The following NFATC3 variants were observed in gnomAD, a reference collection of about 807,000 sequenced individuals.
NFATC3 encodes the protein nuclear factor of activated T cells 3, also known as nuclear factor of activated T-cells, cytoplasmic 3.
A neutral mutation model predicts 98.6 loss-of-function variants in NFATC3; 46 were observed. That is an observed-to-expected ratio of 0.47 (90% CI 0.37 to 0.60). The LOEUF (loss-of-function observed/expected upper bound fraction) is 0.60, where lower values mean the gene tolerates loss of function less well. Ranked by LOEUF, NFATC3 falls within the 20% of genes least tolerant of loss-of-function variation. NFATC3 has a pLI of 0.00. For synonymous variants in NFATC3, 512 were observed against 472.2 expected, an observed-to-expected ratio of 1.08 and a Z score of -1.09; for missense variants, 1,256 against 1,295.5, an observed-to-expected ratio of 0.97 and a Z score of 0.47.
chr16:68,107,391 A>G (rs1418868444), intron 1 of NFATC3, among the ~76,000 whole-genome samples: 1 of 152,146 alleles, frequency 6.6e-6, no homozygotes, highest in Non-Finnish European at 1.5e-5. Context: ...TTTCTATCTC[A>G]GCCTCGCCAA....
chr16:68,124,247 G>A (rs886894694), intron 2 of NFATC3, among the ~76,000 whole-genome samples: 1 of 151,752 alleles, frequency 6.6e-6, no homozygotes, highest in South Asian at 2.1e-4. Flanking sequence ...GACTATAGGC[G>A]TATACCACCA....
rs2034835399 is a variant in NFATC3, at chr16:68,093,420, G to A, written c.103+7636G>A. 5.9e-5 allele frequency among the ~76,000 whole-genome samples: 9 copies of A among 152,050 alleles called. No homozygotes were observed. The South Asian group carries it at 1.9e-3, about 31-fold the overall frequency. ...TTTAACTGGTTAATATCAAAACAGA[G>A]ACCCAGGACTTCTGACTCCTAGTCC... On this transcript the variant is annotated intron_variant, in intron 1 of 9. Transcript: ENST00000346183.
chr16:68,089,353 T>A (rs2034576473), intron 1 of NFATC3: 2 of 887,094 alleles, frequency 2.3e-6, no homozygotes, highest in African/African-American at 3.6e-5. Flanking sequence ...GACGACTGAC[T>A]TTTTAAGACT....
In NFATC3 at chr16:68,122,494, C is replaced by T. The variant is rs766489525; in HGVS notation, c.611C>T (p.Thr204Ile). The stretch of plus-strand genomic sequence containing the variant: ...TTGAATGAAGCTGCAGCCCGATTTA[C>T]CCTTGGATCCCCTCTGACTTCTCCT... ...SELNEAAARF[T>I]LGSPLTSPGG... Residue 204 changes from threonine (T) to isoleucine (I), a missense_variant, in exon 2 of 10, where the codon ACC becomes ATC. Physicochemically the swap from Thr to Ile is moderately conservative, Grantham distance 89. This residue lies in a region of NFATC3 where 464 missense variants were observed against 465.7 expected (regional missense o/e 1.00). Transcript: ENST00000346183. 10 of 1,613,980 alleles carry T rather than the reference C, an allele frequency of 6.2e-6. No homozygotes were observed. Among genetic ancestry groups the T allele is most frequent in the Admixed American group, 1.7e-5 (1 of 60,010 alleles).
intron 9 of NFATC3, among the ~76,000 whole-genome samples, chr16:68,222,342 AAAG>A (rs1206891957): frequency 1.3e-5 from 2 of 151,122 alleles, no homozygotes; most frequent in African/African-American, 2.4e-5. Context: ...AAAAGAAAAA[AAAG>A]AGAGAAAACA....
At chr16:68,090,302 C>A (rs1776959539) in intron 1 of NFATC3, among the ~76,000 whole-genome samples, 1 of 138,536 alleles carries the variant, frequency 7.2e-6, no homozygotes, top group Admixed American at 7.2e-5. Flanking sequence ...GCAACCCCCC[C>A]CCCCCAACAT....
chr16:68,126,575 G>C lies in NFATC3; in HGVS notation c.1366G>C (p.Val456Leu). The stretch of plus-strand genomic sequence containing the variant: ...TGAAACTGAAGGTAGCCGAGGGGCA[G>C]TAAAAGCATCTACTGGGGGACATCC... ...HYETEGSRGA[V>L]KASTGGHPVV... Residue 456 changes from valine to leucine, a missense_variant, in exon 3 of 10, where the codon GTA becomes CTA. Physicochemically the swap from Val to Leu is conservative, Grantham distance 32. Around this residue, in one of 3 missense-constraint regions of NFATC3, gnomAD observed 156 missense variants for 212.4 expected, o/e 0.73. Coordinates refer to ENST00000346183, the MANE Select transcript of NFATC3 (RefSeq NM_173165.3). The C allele has an allele frequency of 3.1e-6, 5 of 1,614,156 alleles. No homozygotes were observed. The highest frequency in any genetic ancestry group is 3.4e-6 in the Non-Finnish European group (4 of 1,180,008).
chr16:68,152,102 C>T (rs2151563677), intron 3 of NFATC3, among the ~76,000 whole-genome samples: 1 of 150,930 alleles, frequency 6.6e-6, no homozygotes, highest in African/African-American at 2.4e-5. Context: ...GTGGCTCACG[C>T]CTATAATCCC....
intron 1 of NFATC3, among the ~76,000 whole-genome samples, chr16:68,120,243 G>A (rs2036499704): frequency 6.7e-6 from 1 of 149,242 alleles, no homozygotes; most frequent in Non-Finnish European, 1.5e-5. Flanking sequence ...GTGCACCACT[G>A]CACTCCAGCC....
At chr16:68,159,500 G>A (rs893684607) in intron 4 of NFATC3, among the ~76,000 whole-genome samples, 2 of 149,688 alleles carry the variant, frequency 1.3e-5, no homozygotes, top group South Asian at 2.1e-4. Flanking sequence ...CTCGGCTCAC[G>A]CAAGCTCCGC....
At position 68,172,634 on chromosome 16, in the gene NFATC3, T is replaced by C. The variant is rs573872061; in HGVS notation, c.1775-1740T>C. On this transcript the variant is annotated intron_variant, in intron 5 of 9. Coordinates refer to ENST00000346183, the MANE Select transcript of NFATC3 (RefSeq NM_173165.3). ...TGTCTCTACAAAAAAAATTTTTTTT[T>C]AGTTGTGTATGGTAATGCATTCCTA... 8.5e-4 allele frequency among the ~76,000 whole-genome samples: 130 copies of C among 152,050 alleles called. No homozygotes were observed. The Middle Eastern group carries it at 0.02, about 24-fold the overall frequency.
At chr16:68,156,705 C>T (rs571607750) in intron 3 of NFATC3, among the ~76,000 whole-genome samples, 5 of 152,010 alleles carry the variant, frequency 3.3e-5, no homozygotes, top group African/African-American at 1.2e-4. Context: ...TTTGGGAGGT[C>T]GAGGCGGGCA....
chr16:68,111,003 G>T (rs777490225), intron 1 of NFATC3, among the ~76,000 whole-genome samples: 1 of 152,110 alleles, frequency 6.6e-6, no homozygotes, highest in African/African-American at 2.4e-5. Flanking sequence ...ATTTGATTGC[G>T]CTGTGGTCTG....
intron 1 of NFATC3, among the ~76,000 whole-genome samples, chr16:68,092,505 T>A (rs529482554): frequency 6.6e-6 from 1 of 151,188 alleles, no homozygotes; most frequent in African/African-American, 2.4e-5. Flanking sequence ...CTTACGCCTG[T>A]AATCCCAGCA....
At position 68,122,810 on chromosome 16, in the gene NFATC3, G is replaced by C; in HGVS notation, c.927G>C (p.Thr309=). 1 of 1,614,220 alleles carries C rather than the reference G, an allele frequency of 6.2e-7. No individual in the cohort carries two copies. The highest frequency in any genetic ancestry group is 1.1e-5 in the South Asian group (1 of 91,090). Residue 309 remains threonine, a synonymous_variant, in exon 2 of 10, where the codon ACG becomes ACC. Transcript: ENST00000346183. ...CCAGGGGAAGTGTGACAGAAGATAC[G>C]TGGCTCAATGCTTCTGTCCATGGTG... The part of the protein sequence containing the change: ...HSPRGSVTED[T]WLNASVHGGS...
intron 1 of NFATC3, among the ~76,000 whole-genome samples, chr16:68,098,306 T>TA (rs1567495307): frequency 1.1e-4 from 14 of 125,134 alleles, no homozygotes; most frequent in South Asian, 2.5e-4. Context: ...TATTATTTTT[T>TA]TTTTTTTTTT....
intron 9 of NFATC3, among the ~76,000 whole-genome samples, chr16:68,213,060 A>G (rs976772922): frequency 8.3e-5 from 12 of 144,252 alleles, no homozygotes; most frequent in Admixed American, 6.2e-4. Flanking sequence ...CAGCCTCCCA[A>G]AGTGCTGGGA....
intron 3 of NFATC3, chr16:68,138,717 C>A (rs2037584197): frequency 3.9e-6 from 5 of 1,288,862 alleles, no homozygotes; most frequent in Non-Finnish European, 5.1e-6. Flanking sequence ...AAAGTAGTCC[C>A]TGGCTGGGCA....
rs561718739 is a variant in NFATC3 at position 68,192,263 on chromosome 16, A to G, written c.3106+488A>G. On this transcript the variant is annotated intron_variant, in intron 9 of 9. Coordinates refer to ENST00000346183, the MANE Select transcript of NFATC3 (RefSeq NM_173165.3). ...TATATATATATATATATGTATGTGT[A>G]TATATATATGTATGTGTATATATAT... 253 of 131,312 alleles carry G rather than the reference A, an allele frequency of 1.9e-3. 9 individuals are homozygous for G. Among genetic ancestry groups the G allele is most frequent in the African/African-American group, 6.9e-3 (244 of 35,190 alleles). 8.1% of individuals were successfully genotyped at this position (131,312 alleles called of 1,614,324 possible). A position where few individuals can be genotyped will look rare whatever the true frequency, so the allele number is the denominator to read the frequency against.
Sources: gnomAD v4.1 joint callset for allele counts (sites outside exome capture counted in the v4.1 genomes callset) on GRCh38, gnomAD v4.1.1 for gene constraint, gnomAD v4.1.1 regional missense constraint, MANE v1.5 for transcripts, NCBI Gene and HGNC (gene_info 2026-07-23, HGNC 2026-07-21) for gene names.